The following FHIT variants were observed in gnomAD, a reference collection of about 807,000 sequenced individuals.
The protein encoded by FHIT is bis(5'-adenosyl)-triphosphatase.
A neutral mutation model predicts 17.9 loss-of-function variants in FHIT; 19 were observed. That is an observed-to-expected ratio of 1.06 (90% CI 0.74 to 1.56). The LOEUF (loss-of-function observed/expected upper bound fraction) is 1.56, where lower values mean the gene tolerates loss of function less well. Among genes scored for constraint, FHIT ranks in the 40% most tolerant of loss-of-function variants. The probability of loss-of-function intolerance (pLI) is 0.00; values close to 1 mark genes in which losing one functional copy is unlikely to be tolerated. For missense variants in FHIT, 248 were observed against 189.2 expected, an observed-to-expected ratio of 1.31 and a Z score of -1.82; for synonymous variants, 81 against 69.7, an observed-to-expected ratio of 1.16 and a Z score of -0.81.
chr3:60,226,629 GAAAGGAA>G (rs1704218621), intron 5 of FHIT, among the ~76,000 whole-genome samples: 1 of 152,148 alleles, frequency 6.6e-6, no homozygotes, highest in Non-Finnish European at 1.5e-5. Flanking sequence ...TGTCCAGGCT[GAAAGGAA>G]GCATGGAGGG....
intron 8 of FHIT, among the ~76,000 whole-genome samples, chr3:59,908,219 T>A (rs11707031): frequency 2.0e-5 from 3 of 152,120 alleles, no homozygotes; most frequent in Admixed American, 6.5e-5. Context: ...TAAGAGTAGA[T>A]TGAATGTGCA....
In FHIT at chr3:60,364,053, C is replaced by A. The variant is rs867791315; in HGVS notation, c.103+172807G>T. Reference sequence around the variant, plus strand: ...GTCACTATAACATCATCTGTGGTTTCCCTGCACCCAGCCCACAACTTTGTA... The same window carrying A: ...GTCACTATAACATCATCTGTGGTTTACCTGCACCCAGCCCACAACTTTGTA... On this transcript the variant is annotated intron_variant, in intron 5 of 9. Coordinates refer to ENST00000492590, the MANE Select transcript of FHIT (RefSeq NM_002012.4). 2.0e-5 allele frequency among the ~76,000 whole-genome samples: 3 copies of A among 152,142 alleles called. No individual in the cohort carries two copies. The South Asian group carries it at 6.2e-4, about 32-fold the overall frequency.
chr3:59,881,871 G>A (rs1703424662), intron 8 of FHIT, among the ~76,000 whole-genome samples: 2 of 152,074 alleles, frequency 1.3e-5, no homozygotes, highest in South Asian at 2.1e-4. Context: ...TATCATTTCT[G>A]GTAGACAATA....
At chr3:60,417,094 G>GA (rs34479858) in intron 5 of FHIT, among the ~76,000 whole-genome samples, 1,016 of 98,700 alleles carry the variant, frequency 0.01, 11 homozygotes, top group African/African-American at 0.026. Flanking sequence ...ATCTCAGAAA[G>GA]AAAAAAAAAA....
chr3:61,189,052 T>C (rs2038621993), intron 2 of FHIT, among the ~76,000 whole-genome samples: 1 of 152,064 alleles, frequency 6.6e-6, no homozygotes, highest in Admixed American at 6.6e-5. Flanking sequence ...TTACCACTCC[T>C]ATTCAACACA....
At chr3:60,058,942 G>A (rs942335847) in intron 5 of FHIT, among the ~76,000 whole-genome samples, 1 of 152,212 alleles carries the variant, frequency 6.6e-6, no homozygotes, top group African/African-American at 2.4e-5. Flanking sequence ...CAGAGGCCAT[G>A]ATGGTCAAAT....
intron 5 of FHIT, among the ~76,000 whole-genome samples, chr3:60,260,144 A>C (rs1054887740): frequency 1.3e-5 from 2 of 152,222 alleles, no homozygotes; most frequent in Admixed American, 1.3e-4. Context: ...TAGAAGAGAA[A>C]AAAATATTAG....
chr3:60,613,265 A>C (rs1576971675), intron 4 of FHIT, among the ~76,000 whole-genome samples: 1 of 152,312 alleles, frequency 6.6e-6, no homozygotes, highest in East Asian at 1.9e-4. Context: ...GAATGAGTAC[A>C]ACCCTGAGAC....
At chr3:60,518,266 G>C (rs781373964) in intron 5 of FHIT, among the ~76,000 whole-genome samples, 4 of 152,074 alleles carry the variant, frequency 2.6e-5, no homozygotes, top group African/African-American at 4.8e-5. Context: ...GGGTTAATTC[G>C]TAAAAGATCT....
chr3:61,037,280 G>T (rs1430978541), intron 3 of FHIT, among the ~76,000 whole-genome samples: 1 of 152,104 alleles, frequency 6.6e-6, no homozygotes, highest in African/African-American at 2.4e-5. Flanking sequence ...GTTATGCTTG[G>T]CTCTGGTGTC....
intron 4 of FHIT, among the ~76,000 whole-genome samples, chr3:60,576,004 G>A (rs2037552693): frequency 6.6e-6 from 1 of 152,208 alleles, no homozygotes; most frequent in Admixed American, 6.5e-5. Flanking sequence ...GCAAATAAAG[G>A]AGGGAATGAG....
At chr3:60,302,224 G>T (rs537687737) in intron 5 of FHIT, among the ~76,000 whole-genome samples, 2 of 152,096 alleles carry the variant, frequency 1.3e-5, no homozygotes, top group African/African-American at 4.8e-5. Flanking sequence ...AAGAGTTCAA[G>T]GAAAGCTTGG....
At chr3:60,285,845 G>A (rs1411378955) in intron 5 of FHIT, among the ~76,000 whole-genome samples, 1 of 152,122 alleles carries the variant, frequency 6.6e-6, no homozygotes, top group Non-Finnish European at 1.5e-5. Flanking sequence ...ATATTACTTA[G>A]CATTGGGATA....
intron 1 of FHIT, among the ~76,000 whole-genome samples, chr3:61,236,557 A>G (rs769002634): frequency 1.9e-4 from 29 of 152,318 alleles, no homozygotes; most frequent in Non-Finnish European, 1.0e-4. Flanking sequence ...CCCAGGTCAC[A>G]GAATGTTGGA....
At chr3:60,795,732 C>G (rs1700958315) in intron 4 of FHIT, among the ~76,000 whole-genome samples, 1 of 152,150 alleles carries the variant, frequency 6.6e-6, no homozygotes, top group Admixed American at 6.5e-5. Flanking sequence ...CCAGCCTGGT[C>G]TTGAACTCCT....
chr3:59,908,602 G>T (rs1704694563), intron 8 of FHIT, among the ~76,000 whole-genome samples: 1 of 152,026 alleles, frequency 6.6e-6, no homozygotes, highest in Non-Finnish European at 1.5e-5. Context: ...CAGAGGCCAA[G>T]GAAACAACAG....
At chr3:59,766,658 A>G (rs542638857) in intron 8 of FHIT, among the ~76,000 whole-genome samples, 2 of 152,248 alleles carry the variant, frequency 1.3e-5, no homozygotes, top group African/African-American at 2.4e-5. Flanking sequence ...TGCTTTCCAC[A>G]TTTCATAATC....
chr3:59,920,608 T>C (rs1346498990), intron 8 of FHIT, among the ~76,000 whole-genome samples: 1 of 152,198 alleles, frequency 6.6e-6, no homozygotes, highest in African/African-American at 2.4e-5. Flanking sequence ...CTGTTCAGCC[T>C]AAGGAAACAG....
intron 5 of FHIT, among the ~76,000 whole-genome samples, chr3:60,023,991 T>A (rs1575912171): frequency 6.8e-6 from 1 of 147,808 alleles, no homozygotes; most frequent in Non-Finnish European, 1.5e-5. Context: ...TACTTCATGG[T>A]AAAAAAAAAA....
Sources: allele counts gnomAD v4.1 joint callset (sites outside exome capture counted in the v4.1 genomes callset), GRCh38; gene constraint gnomAD v4.1.1; transcripts MANE v1.5; gene names NCBI Gene and HGNC (gene_info 2026-07-23, HGNC 2026-07-21).